Variants in SLC14A2 observed in about 807,000 individuals in gnomAD.
SLC14A2 encodes solute carrier family 14 member 2, also known as urea transporter 2.
In SLC14A2, 91 loss-of-function variants were observed where a neutral mutation model predicts 104.6. The ratio of observed to expected loss-of-function variants is 0.87; its 90% CI spans 0.73 to 1.04. The LOEUF is 1.04. Ranked by LOEUF, SLC14A2 falls within the 50% of genes least tolerant of loss-of-function variation. SLC14A2 has a pLI of 0.00. For synonymous variants in SLC14A2, 476 were observed against 466.4 expected, an observed-to-expected ratio of 1.02 and a Z score of -0.27; for missense variants, 1,189 against 1,156.0, an observed-to-expected ratio of 1.03 and a Z score of -0.41.
rs181682655 is a variant in SLC14A2, at chr18:45,683,614, A to C, written c.*1095A>C. 1 of 152,338 alleles carries C rather than the reference A, an allele frequency of 6.6e-6. No individual in the cohort carries two copies. Among genetic ancestry groups the C allele is most frequent in the African/African-American group, 2.4e-5 (1 of 41,566 alleles). The allele number at this position is 152,338 out of a possible 1,614,324, so 9.4% of individuals were successfully genotyped here. A position where few individuals can be genotyped will look rare whatever the true frequency, so the allele number is the denominator to read the frequency against. On this transcript the variant is annotated 3_prime_UTR_variant, in exon 20 of 20. Coordinates refer to ENST00000255226, the MANE Select transcript of SLC14A2 (RefSeq NM_007163.4). ...AAAACTGATCTTTATCAACACTCAAATCATATTATAAACAAATGTGTTTCC... is the reference window on the plus strand; with the variant it reads ...AAAACTGATCTTTATCAACACTCAACTCATATTATAAACAAATGTGTTTCC...
At position 45,638,815 on chromosome 18, in the gene SLC14A2, G is replaced by A. The variant is rs562669591; in HGVS notation, c.844-931G>A. Among the ~76,000 whole-genome samples, 52 of 152,310 alleles carry A rather than the reference G, an allele frequency of 3.4e-4. 1 individual carries two copies. Among genetic ancestry groups the A allele is most frequent in the Admixed American group, 3.3e-3 (50 of 15,298 alleles). On this transcript the variant is annotated intron_variant, in intron 6 of 19. Transcript: ENST00000255226. The stretch of plus-strand genomic sequence containing the variant: ...GCCAAGCCAGCCTCTTGTTACAGAC[G>A]AGGATGTGACATGCTCACAGTCACA...
rs770497409 is a variant in SLC14A2, at chr18:45,673,776, A to G, written c.2471A>G (p.Tyr824Cys). ...TGCATAGCGATAGGAGGCATGTTCT[A>G]CGTCATCACCTGGCAGACGCACCTC... ...LACIAIGGMFYVITWQTHLLA... is the reference protein window; with the variant it reads ...LACIAIGGMFCVITWQTHLLA... Residue 824 changes from tyrosine (Y) to cysteine (C), a missense_variant, in exon 18 of 20, where the codon TAC (tyrosine) becomes TGC (cysteine). Tyr to Cys is a radical substitution (Grantham distance 194, BLOSUM62 -2). Transcript: ENST00000255226. The G allele has an allele frequency of 6.2e-7, 1 of 1,614,180 alleles. No homozygotes were observed. The highest frequency in any genetic ancestry group is 2.2e-5 in the East Asian group (1 of 44,884).
At chr18:45,437,438 C>G (rs1354742934) in intron 1 of SLC14A2, among the ~76,000 whole-genome samples, 1 of 152,170 alleles carries the variant, frequency 6.6e-6, no homozygotes, top group African/African-American at 2.4e-5. Flanking sequence ...AGATGAGCCT[C>G]TCTCCTGGAG....
intron 2 of SLC14A2, among the ~76,000 whole-genome samples, chr18:45,597,786 C>T (rs1335632351): frequency 6.6e-6 from 1 of 152,190 alleles, no homozygotes; most frequent in Non-Finnish European, 1.5e-5. Context: ...GCCTATTCAC[C>T]TAATCCAGGA....
chr18:45,178,617 T>C, the SLC14A2 span, among the ~76,000 whole-genome samples: 2 of 152,202 alleles, frequency 1.3e-5, no homozygotes, highest in African/African-American at 4.8e-5. Flanking sequence ...AAATATGCAA[T>C]GATAATAATA....
intron 2 of SLC14A2, among the ~76,000 whole-genome samples, chr18:45,564,905 T>C (rs2044245866): frequency 6.6e-6 from 1 of 152,050 alleles, no homozygotes; most frequent in Non-Finnish European, 1.5e-5. Flanking sequence ...CATGACAAGG[T>C]AACTAAAGTG....
intron 2 of SLC14A2, among the ~76,000 whole-genome samples, chr18:45,497,462 T>C (rs2043118761): frequency 6.6e-6 from 1 of 152,134 alleles, no homozygotes; most frequent in African/African-American, 2.4e-5. Context: ...CTATGTCCTA[T>C]GCAAAATAAT....
chr18:45,597,334 AAAAGAAAG>A (rs201495622), intron 2 of SLC14A2, among the ~76,000 whole-genome samples: 6 of 152,128 alleles, frequency 3.9e-5, no homozygotes, highest in African/African-American at 1.4e-4. Flanking sequence ...TCTCAAAAAA[AAAAGAAAG>A]AAAGAAAGAA....
chr18:45,511,097 G>GTTT (rs34545088), intron 2 of SLC14A2, among the ~76,000 whole-genome samples: 5 of 150,622 alleles, frequency 3.3e-5, no homozygotes. Context: ...TTTTATTGTT[G>GTTT]TTTTTTTTTC....
In SLC14A2 at chr18:45,667,985, A is replaced by T. The variant is rs747567318; in HGVS notation, c.1870A>T (p.Met624Leu). The T allele has an allele frequency of 2.8e-5, 45 of 1,613,944 alleles. No homozygotes were observed. The highest frequency in any genetic ancestry group is 1.6e-4 in the Middle Eastern group (1 of 6,084). Residue 624 changes from methionine (M) to leucine (L), a missense_variant, in exon 14 of 20, where the codon ATG (methionine) becomes TTG (leucine). Met to Leu is a conservative substitution (Grantham distance 15). Coordinates refer to ENST00000255226, the MANE Select transcript of SLC14A2 (RefSeq NM_007163.4). ...WAISGCLGTI[M>L]STLTALILSQ... ...GATCTCAGGCTGCCTGGGTACCATC[A>T]TGTCCACCTTGACAGCCCTCATCCT...
intron 2 of SLC14A2, among the ~76,000 whole-genome samples, chr18:45,582,684 T>G (rs897307338): frequency 1.3e-5 from 2 of 152,160 alleles, no homozygotes; most frequent in Non-Finnish European, 2.9e-5. Context: ...TTTCTGACCA[T>G]GTGCTCTCCC....
intron 2 of SLC14A2, among the ~76,000 whole-genome samples, chr18:45,498,111 G>GA (rs371337925): frequency 1.8e-4 from 27 of 150,616 alleles, no homozygotes; most frequent in African/African-American, 3.4e-4. Flanking sequence ...CCAAGGACCA[G>GA]AAAAAAAAAC....
intron 5 of SLC14A2, chr18:45,634,830 C>T (rs149039485): frequency 4.6e-5 from 21 of 457,212 alleles, no homozygotes; most frequent in Admixed American, 7.0e-5. Context: ...AGGATGGAGA[C>T]GGATTTTAAC....
intron 1 of SLC14A2, among the ~76,000 whole-genome samples, chr18:45,269,658 C>T (rs141134589): frequency 8.7e-4 from 133 of 152,248 alleles, no homozygotes; most frequent in Non-Finnish European, 1.4e-3. Context: ...CATAATTGCG[C>T]GTACTATGTG....
chr18:45,260,473 G>A (rs2084524570), intron 1 of SLC14A2, among the ~76,000 whole-genome samples: 1 of 152,076 alleles, frequency 6.6e-6, no homozygotes, highest in Admixed American at 6.5e-5. Flanking sequence ...CATACCCAAA[G>A]GAAAATAAAT....
chr18:45,518,524 A>G (rs1350469188), intron 2 of SLC14A2, among the ~76,000 whole-genome samples: 2 of 152,210 alleles, frequency 1.3e-5, no homozygotes, highest in African/African-American at 4.8e-5. Context: ...AGACATTAGT[A>G]AGTAAAACAG....
chr18:45,174,533 C>T, the SLC14A2 span, among the ~76,000 whole-genome samples: 1 of 152,060 alleles, frequency 6.6e-6, no homozygotes, highest in African/African-American at 2.4e-5. Flanking sequence ...GCCAGAATCA[C>T]CGCTTAAAAA....
intron 1 of SLC14A2, among the ~76,000 whole-genome samples, chr18:45,363,745 T>G (rs945239329): frequency 6.6e-6 from 1 of 152,122 alleles, no homozygotes; most frequent in East Asian, 1.9e-4. Flanking sequence ...CAGGTGGTGA[T>G]GATGGGGAGG....
chr18:45,352,070 TG>T (rs1277032451), intron 1 of SLC14A2, among the ~76,000 whole-genome samples: 2 of 152,066 alleles, frequency 1.3e-5, no homozygotes, highest in Non-Finnish European at 2.9e-5. Flanking sequence ...AGGGCTGTGG[TG>T]GGGGCTTGCT....
Sources: gnomAD v4.1 joint callset for allele counts (sites outside exome capture counted in the v4.1 genomes callset) on GRCh38, gnomAD v4.1.1 for gene constraint, MANE v1.5 for transcripts, NCBI Gene and HGNC (gene_info 2026-07-23, HGNC 2026-07-21) for gene names.